ABL1: variants seen among roughly 807,000 people sequenced by gnomAD.
ABL1 encodes the protein ABL proto-oncogene 1, non-receptor tyrosine kinase, also known as tyrosine-protein kinase ABL1.
In ABL1, 11 loss-of-function variants were observed where a neutral mutation model predicts 94.7. The observed-to-expected ratio is 0.12, with a 90% CI of 0.07 to 0.19. ABL1 has a LOEUF of 0.19. Ranked by LOEUF, ABL1 falls within the 10% of genes least tolerant of loss-of-function variation. The pLI, the probability that ABL1 is intolerant of heterozygous loss-of-function variation, is 1.00. For synonymous variants in ABL1, 656 were observed against 622.4 expected (o/e 1.05, Z -0.80); for missense variants, 1,082 against 1,489.4 (o/e 0.73, Z 4.50).
chr9:130,742,335 G>T (rs1378292938), intron 1 of ABL1, among the ~76,000 whole-genome samples: 2 of 152,132 alleles, frequency 1.3e-5, no homozygotes. Flanking sequence ...TACTGATGAT[G>T]ACTACATTTA....
chr9:130,791,543 A>G lies in ABL1; in HGVS notation c.137-62521A>G, dbSNP rs76482105. On this transcript the variant is annotated intron_variant, in intron 1 of 10. Coordinates refer to the ABL1 transcript ENST00000372348. ...GGTGGGCACCATCCAGTTGGTTGCC[A>G]GTGCAGCTAGAACAAAGCAGGCAGA... 0.016 allele frequency among the ~76,000 whole-genome samples: 2,429 copies of G among 152,230 alleles called. 149 individuals are homozygous for G. In the East Asian group the frequency reaches 0.22, roughly 14 times the overall value.
At chr9:130,714,608 T>C in intron 1 of ABL1, 2 of 1,065,966 alleles carry the variant, frequency 1.9e-6, no homozygotes, top group Non-Finnish European at 2.9e-6. Context: ...ACTTTCTTTG[T>C]ATAAGAAAAA....
chr9:130,722,542 T>G (rs1831529526), intron 1 of ABL1, among the ~76,000 whole-genome samples: 1 of 152,024 alleles, frequency 6.6e-6, no homozygotes, highest in South Asian at 2.1e-4. Context: ...CAGGCTGGAG[T>G]GTAGTGGCAC....
intron 1 of ABL1, among the ~76,000 whole-genome samples, chr9:130,787,711 A>G (rs1829849707): frequency 6.6e-6 from 1 of 152,142 alleles, no homozygotes; most frequent in South Asian, 2.1e-4. Context: ...AGGGTTTGCA[A>G]GTGAGTTCAG....
chr9:130,744,814 A>G (rs887066876), intron 1 of ABL1, among the ~76,000 whole-genome samples: 19 of 148,280 alleles, frequency 1.3e-4, no homozygotes, highest in South Asian at 4.4e-4. Context: ...CCAAGATCGC[A>G]CCACTGCACT....
chr9:130,852,408 GC>G (rs1830883165), intron 1 of ABL1, among the ~76,000 whole-genome samples: 1 of 152,020 alleles, frequency 6.6e-6, no homozygotes, highest in Non-Finnish European at 1.5e-5. Context: ...TCACCGTGTT[GC>G]CCAGGTTGGT....
At chr9:130,782,714 T>C (rs972627307) in intron 1 of ABL1, among the ~76,000 whole-genome samples, 1 of 152,250 alleles carries the variant, frequency 6.6e-6, no homozygotes, top group Non-Finnish European at 1.5e-5. Context: ...TAGCTGCTGC[T>C]GCTGCCGCTG....
At chr9:130,804,047 T>C (rs1172621149) in intron 1 of ABL1, among the ~76,000 whole-genome samples, 1 of 148,674 alleles carries the variant, frequency 6.7e-6, no homozygotes, top group Non-Finnish European at 1.5e-5. Flanking sequence ...AGAGACTGAG[T>C]GAGACCTCTT....
At position 130,885,034 on chromosome 9, in the gene ABL1, C is replaced by T. The variant is rs368347512; in HGVS notation, c.2744C>T (p.Ser915Leu). 280 of 1,611,040 alleles carry T rather than the reference C, an allele frequency of 1.7e-4. No individual in the cohort carries two copies. Among genetic ancestry groups the T allele is most frequent in the Non-Finnish European group, 2.1e-4 (253 of 1,179,138 alleles). ...ASAGKAGGKPSQSPSQEAAGE... is the reference protein window; with the variant it reads ...ASAGKAGGKPLQSPSQEAAGE... ...GCAGGGAAGGCTGGAGGAAAGCCCTCGCAGAGCCCGAGCCAGGAGGCGGCC... is the reference window on the plus strand; with the variant it reads ...GCAGGGAAGGCTGGAGGAAAGCCCTTGCAGAGCCCGAGCCAGGAGGCGGCC... Residue 915 changes from serine to leucine, a missense_variant, in exon 11 of 11, where the codon TCG becomes TTG. Around this residue, in one of 7 missense-constraint regions of ABL1, gnomAD observed 780 missense variants for 835.8 expected, o/e 0.93. Coordinates refer to ENST00000318560, the MANE Select transcript of ABL1 (RefSeq NM_005157.6).
chr9:130,725,066 AT>A (rs1310588450), intron 1 of ABL1: 4 of 200,046 alleles, frequency 2.0e-5, no homozygotes, highest in Non-Finnish European at 4.2e-5. Flanking sequence ...TTCTGTGTTT[AT>A]TTTTTTATTG....
At chr9:130,715,358 C>A (rs915437365) in intron 1 of ABL1, among the ~76,000 whole-genome samples, 1 of 152,180 alleles carries the variant, frequency 6.6e-6, no homozygotes, top group African/African-American at 2.4e-5. Flanking sequence ...ATCCTATAAG[C>A]AAACGTATGA....
chr9:130,767,842 A>T (rs12340378), intron 1 of ABL1, among the ~76,000 whole-genome samples: 3,043 of 152,346 alleles, frequency 0.02, 75 homozygotes, highest in African/African-American at 0.057. Flanking sequence ...CATTTGAGAA[A>T]ATAAAGTTTC....
Position 130,862,695 on chromosome 9 carries a change from C to T in ABL1, c.550-68C>T. ...TGTAGTGAATTAAGGCTCAGCCAAA[C>T]TGGCTCACGTGAGCTCTTTGAGCTT... On this transcript the variant is annotated intron_variant, in intron 3 of 10. Coordinates refer to ENST00000318560, the MANE Select transcript of ABL1 (RefSeq NM_005157.6). This position sits in a 1 kb window ranked among gnomAD's most constrained non-coding sequence, Gnocchi z 5.5. The T allele has an allele frequency of 6.4e-7, 1 of 1,554,280 alleles. No homozygotes were observed. The highest frequency in any genetic ancestry group is 8.7e-7 in the Non-Finnish European group (1 of 1,149,750).
intron 1 of ABL1, among the ~76,000 whole-genome samples, chr9:130,785,864 A>G (rs1829818731): frequency 6.8e-6 from 1 of 147,796 alleles, no homozygotes; most frequent in Non-Finnish European, 1.5e-5. Flanking sequence ...TGGTGGCTGC[A>G]GTGAGCTGAG....
chr9:130,738,458 G>A (rs1332550429), intron 1 of ABL1, among the ~76,000 whole-genome samples: 1 of 152,126 alleles, frequency 6.6e-6, no homozygotes, highest in Non-Finnish European at 1.5e-5. Context: ...GTAGTTGCTG[G>A]AATGAGATAG....
intron 3 of ABL1, among the ~76,000 whole-genome samples, chr9:130,857,040 A>G (rs1424713345): frequency 6.6e-6 from 1 of 152,166 alleles, no homozygotes; most frequent in Non-Finnish European, 1.5e-5. Context: ...AGTCTTACCT[A>G]CCCTTACTGT....
chr9:130,745,237 G>A (rs928091926), intron 1 of ABL1, among the ~76,000 whole-genome samples: 23 of 151,760 alleles, frequency 1.5e-4, no homozygotes, highest in East Asian at 1.4e-3. Context: ...GGCATGCGCC[G>A]CCACACCTGG....
In ABL1 at chr9:130,863,369, A is replaced by C. The variant is rs1478386125; in HGVS notation, c.822+334A>C. Among the ~76,000 whole-genome samples, 1 of 152,180 alleles carries C rather than the reference A, an allele frequency of 6.6e-6. No individual in the cohort carries two copies. The highest frequency in any genetic ancestry group is 1.5e-5 in the Non-Finnish European group (1 of 68,034). On this transcript the variant is annotated intron_variant, in intron 4 of 10. Coordinates refer to ENST00000318560, the MANE Select transcript of ABL1 (RefSeq NM_005157.6). This position sits in a 1 kb window ranked among gnomAD's most constrained non-coding sequence, Gnocchi z 4.3. ...ATGCTGTTCGTGCGGCATGGAGATC[A>C]CTTCCTACCGAGAGTTAAGGAGGAA...
At chr9:130,812,362 A>T (rs1830221312) in intron 1 of ABL1, among the ~76,000 whole-genome samples, 1 of 144,262 alleles carries the variant, frequency 6.9e-6, no homozygotes, top group African/African-American at 2.6e-5. Context: ...ATTCCATCTT[A>T]AAAAAAAAAA....
Sources: allele counts gnomAD v4.1 joint callset (sites outside exome capture counted in the v4.1 genomes callset), GRCh38; gene constraint gnomAD v4.1.1; regional missense constraint gnomAD v4.1.1; non-coding constraint Gnocchi (gnomAD v3.1); transcripts MANE v1.5; gene names NCBI Gene and HGNC (gene_info 2026-07-23, HGNC 2026-07-21).